UNC79: variants seen among roughly 807,000 people sequenced by gnomAD.
UNC79 encodes unc-79 subunit of NALCN channel complex.
A neutral mutation model predicts 283.1 loss-of-function variants in UNC79; 37 were observed. The observed-to-expected ratio is 0.13, with a 90% CI of 0.10 to 0.17. The LOEUF is 0.17. Ranked by LOEUF, UNC79 falls within the 10% of genes least tolerant of loss-of-function variation. The pLI is 1.00. For missense variants in UNC79, 2,272 were observed against 3,211.1 expected, an observed-to-expected ratio of 0.71 and a Z score of 7.07; for synonymous variants, 1,107 against 1,200.2, an observed-to-expected ratio of 0.92 and a Z score of 1.61.
chr14:93,594,602 ATC>A (rs746839612), intron 23 of UNC79, among the ~76,000 whole-genome samples: 2 of 152,192 alleles, frequency 1.3e-5, no homozygotes, highest in Admixed American at 6.5e-5. Context: ...AGGTTCAAGA[ATC>A]TCTGCTGTAT....
At chr14:93,682,476 T>A in intron 41 of UNC79, 141 bp from the exon 45 acceptor site, 1 of 679,404 alleles carries the variant, frequency 1.5e-6, no homozygotes, top group Non-Finnish European at 2.4e-6. Context: ...TGAACCATCA[T>A]GATTAGCAAA....
chr14:93,425,600 GA>G (rs925919635), upstream of UNC79, among the ~76,000 whole-genome samples: 4 of 152,128 alleles, frequency 2.6e-5, no homozygotes, highest in African/African-American at 9.7e-5. Context: ...GTTGATTTAT[GA>G]TCAAGTTGGC....
At chr14:93,383,410 C>T (rs187547271) in intron 1 of UNC79, among the ~76,000 whole-genome samples, 2 of 152,176 alleles carry the variant, frequency 1.3e-5, no homozygotes, top group Non-Finnish European at 1.5e-5. Context: ...CAGACCCTTG[C>T]AATAAAGCAA....
exon 47 of UNC79, chr14:93,694,371 A>G (rs1317105513): frequency 8.7e-6 from 14 of 1,611,846 alleles, no homozygotes; most frequent in South Asian, 3.3e-5. Context: ...GATTAGTTTA[A>G]TGGAGGCATT....
At position 93,342,037 on chromosome 14, in the gene UNC79, G is replaced by A. The variant is rs535121847; in HGVS notation, c.-351+8514G>A. Among the ~76,000 whole-genome samples, 6 of 152,264 alleles carry A rather than the reference G, an allele frequency of 3.9e-5. 1 individual carries two copies. The highest frequency in any genetic ancestry group is 1.2e-4 in the African/African-American group (5 of 41,540). On this transcript the variant is annotated intron_variant, in intron 1 of 49. Coordinates refer to the UNC79 transcript ENST00000256339. Reference sequence around the variant, plus strand: ...TGGTGGATCTAACATTCTGAGTTCCGGAGGATGGTGGCTTTCTTCTCACAG... The same window carrying A: ...TGGTGGATCTAACATTCTGAGTTCCAGAGGATGGTGGCTTTCTTCTCACAG...
At chr14:93,701,255 A>G (rs1034046446) in intron 47 of UNC79, among the ~76,000 whole-genome samples, 1 of 152,226 alleles carries the variant, frequency 6.6e-6, no homozygotes, top group East Asian at 1.9e-4. Flanking sequence ...CAATACCTGA[A>G]AAACATTGTT....
At chr14:93,414,277 A>G (rs141683640) in intron 1 of UNC79, among the ~76,000 whole-genome samples, 5,195 of 152,300 alleles carry the variant, frequency 0.034, 297 homozygotes, top group African/African-American at 0.12. Flanking sequence ...CCATTATTAA[A>G]TAGGGAATCC....
intron 14 of UNC79, among the ~76,000 whole-genome samples, chr14:93,558,593 A>ATTTTTTTTTTTTTTT (rs71129647): frequency 1.3e-4 from 8 of 62,778 alleles, no homozygotes; most frequent in South Asian, 9.0e-4. Flanking sequence ...AGAAACAGGG[A>ATTTTTTTTTTTTTTT]TTTTTTTTTT....
intron 1 of UNC79, among the ~76,000 whole-genome samples, 193 bp downstream of exon 1, chr14:93,431,244 G>A (rs2055864086): frequency 6.6e-6 from 1 of 151,666 alleles, no homozygotes; most frequent in Admixed American, 6.6e-5. Context: ...CGCTGTCCCC[G>A]GTGCTGAAAA....
chr14:93,590,372 T>C (rs527255840), intron 22 of UNC79, among the ~76,000 whole-genome samples: 1 of 152,178 alleles, frequency 6.6e-6, no homozygotes, highest in South Asian at 2.1e-4. Flanking sequence ...AGGGCAGACA[T>C]GGCTGACCTG....
Position 93,516,782 on chromosome 14 carries a change from A to G in UNC79, c.899-7196A>G, listed in dbSNP as rs115661851. On this transcript the variant is annotated intron_variant, in intron 7 of 48. Coordinates refer to ENST00000555664, the Ensembl canonical transcript of UNC79. The stretch of plus-strand genomic sequence containing the variant: ...ATTTTTGAATGAGATTACATTGACT[A>G]TATAGTTTAATTTGGGGAGAATTGA... Among the ~76,000 whole-genome samples the G allele has an allele frequency of 1.3e-3, 196 of 152,016 alleles. 1 individual carries two copies. Among genetic ancestry groups the G allele is most frequent in the Middle Eastern group, 0.01 (3 of 294 alleles).
At chr14:93,637,416 C>T (rs974075741) in intron 32 of UNC79, 117 bp downstream of exon 35, 23 of 1,489,754 alleles carry the variant, frequency 1.5e-5, no homozygotes, top group East Asian at 9.7e-5. Context: ...GTGGGGATGA[C>T]CTTTGCCCAA....
At chr14:93,604,711 G>T (rs1033449583) in intron 26 of UNC79, among the ~76,000 whole-genome samples, 185 bp from the exon 27 acceptor site, 2 of 152,092 alleles carry the variant, frequency 1.3e-5, no homozygotes, top group East Asian at 3.8e-4. Flanking sequence ...AACATTGAAG[G>T]ATGTTCTTAT....
chr14:93,668,369 A>G (rs1313700568), intron 40 of UNC79, among the ~76,000 whole-genome samples: 1 of 152,194 alleles, frequency 6.6e-6, no homozygotes, highest in Non-Finnish European at 1.5e-5. Flanking sequence ...ATTATAAAAC[A>G]TACTTTTAAA....
intron 42 of UNC79, among the ~76,000 whole-genome samples, chr14:93,683,380 C>T (rs2073992214): frequency 2.0e-5 from 3 of 152,028 alleles, no homozygotes; most frequent in Non-Finnish European, 4.4e-5. Flanking sequence ...ATGGGGTTTT[C>T]ACAGGCCAAG....
At chr14:93,662,829 A>C in intron 40 of UNC79, 115 bp downstream of exon 43, 1 of 674,294 alleles carries the variant, frequency 1.5e-6, no homozygotes. Context: ...GTTAAAAATG[A>C]GTAATTCTAC....
chr14:93,356,980 C>T (rs2054098944), intron 1 of UNC79, among the ~76,000 whole-genome samples: 2 of 152,086 alleles, frequency 1.3e-5, no homozygotes, highest in South Asian at 4.1e-4. Flanking sequence ...TAGTACTCAA[C>T]AGGAAGTTTT....
chr14:93,630,713 A>C, intron 30 of UNC79, 88 bp from the exon 33 acceptor site: 1 of 960,194 alleles, frequency 1.0e-6, no homozygotes, highest in Non-Finnish European at 1.6e-6. Flanking sequence ...GAATGGTTGT[A>C]GTAGACAAGA....
intron 41 of UNC79, among the ~76,000 whole-genome samples, chr14:93,676,569 CA>C (rs1481350713): frequency 1.3e-5 from 2 of 152,186 alleles, no homozygotes; most frequent in Non-Finnish European, 2.9e-5. Context: ...TTCCTGCGGA[CA>C]GTGAACAGCA....
Sources: gnomAD v4.1 joint callset for allele counts (sites outside exome capture counted in the v4.1 genomes callset) on GRCh38, gnomAD v4.1.1 for gene constraint, MANE v1.5 for transcripts, NCBI Gene and HGNC (gene_info 2026-07-23, HGNC 2026-07-21) for gene names.